AGBL1: variants seen among roughly 807,000 people sequenced by gnomAD.
AGBL1 encodes the protein cytosolic carboxypeptidase 4.
In AGBL1, 130 loss-of-function variants were observed where a neutral mutation model predicts 118.9. That is an observed-to-expected ratio of 1.09 (90% CI 0.95 to 1.26). The LOEUF (loss-of-function observed/expected upper bound fraction) is 1.26. Among genes scored for constraint, AGBL1 ranks in the 50% most tolerant of loss-of-function variants. The probability of loss-of-function intolerance (pLI) is 0.00; values close to 1 mark genes in which losing one functional copy is unlikely to be tolerated. For synonymous variants in AGBL1, 555 were observed against 478.9 expected, an observed-to-expected ratio of 1.16 and a Z score of -2.08; for missense variants, 1,584 against 1,298.1, an observed-to-expected ratio of 1.22 and a Z score of -3.38.
intron 22 of AGBL1, among the ~76,000 whole-genome samples, chr15:86,862,562 A>G (rs1299815341): frequency 2.6e-5 from 4 of 152,132 alleles, no homozygotes; most frequent in African/African-American, 9.7e-5. Context: ...TCTACTAATA[A>G]TACAAAAAAT....
intron 17 of AGBL1, among the ~76,000 whole-genome samples, chr15:86,361,898 A>G (rs1263988483): frequency 6.6e-6 from 1 of 152,150 alleles, no homozygotes; most frequent in Admixed American, 6.5e-5. Flanking sequence ...AAATTCATTC[A>G]GCCATTCTAT....
At chr15:86,251,753 A>G (rs1404351273) in intron 7 of AGBL1, among the ~76,000 whole-genome samples, 1 of 152,078 alleles carries the variant, frequency 6.6e-6, no homozygotes, top group African/African-American at 2.4e-5. Context: ...GTAATGTAGT[A>G]TAATGGAATC....
chr15:86,761,203 A>T (rs2078019152), intron 22 of AGBL1, among the ~76,000 whole-genome samples: 1 of 152,042 alleles, frequency 6.6e-6, no homozygotes, highest in African/African-American at 2.4e-5. Flanking sequence ...TCCAGGCAAG[A>T]CTAGAAGGTC....
At chr15:86,875,669 C>A (rs1459925070) in intron 22 of AGBL1, among the ~76,000 whole-genome samples, 2 of 152,190 alleles carry the variant, frequency 1.3e-5, no homozygotes, top group East Asian at 1.9e-4. Flanking sequence ...CCTGGCTTTC[C>A]TCCAACTTTC....
At chr15:86,967,850 C>T (rs546373375) in intron 23 of AGBL1, among the ~76,000 whole-genome samples, 2 of 151,914 alleles carry the variant, frequency 1.3e-5, no homozygotes, top group South Asian at 2.1e-4. Flanking sequence ...TAGTTTTTTC[C>T]AATTCTGTGA....
intron 7 of AGBL1, among the ~76,000 whole-genome samples, chr15:86,252,123 C>T (rs2078826517): frequency 6.6e-6 from 1 of 152,318 alleles, no homozygotes; most frequent in East Asian, 1.9e-4. Flanking sequence ...CTAACGAGTT[C>T]TCAGGTGATA....
chr15:86,177,824 A>G (rs2077501503), intron 5 of AGBL1, among the ~76,000 whole-genome samples: 1 of 152,220 alleles, frequency 6.6e-6, no homozygotes, highest in Admixed American at 6.5e-5. Context: ...CACATATCAG[A>G]AAAGAAGAAA....
chr15:86,554,439 GC>G lies in AGBL1; in HGVS notation c.2897del (p.Ala966ValfsTer75). Reference protein sequence around the residue: ...SCSFLVEKSRASTARVVVWRE... With the variant: ...SCSFLVEKSRXSTARVVVWRE... The stretch of plus-strand genomic sequence containing the variant: ...CAGCTTTCTCGTGGAGAAATCTCGA[GC>G]TTCCACGGCCCGGGTGGTGGTGTGG... On this transcript the variant is annotated frameshift_variant, in exon 21 of 23. Transcript: ENST00000614907. LOFTEE classifies it high-confidence loss of function. 6.3e-7 allele frequency: 1 copy of G among 1,588,056 alleles called. No individual in the cohort carries two copies. Among genetic ancestry groups the G allele is most frequent in the African/African-American group, 1.3e-5 (1 of 74,470 alleles).
chr15:86,740,230 C>T (rs558433887), intron 22 of AGBL1, among the ~76,000 whole-genome samples: 43 of 152,306 alleles, frequency 2.8e-4, no homozygotes, highest in African/African-American at 1.0e-3. Context: ...AATTGTTTCC[C>T]TAGCATCCCC....
intron 22 of AGBL1, among the ~76,000 whole-genome samples, chr15:86,763,363 A>G (rs1439380029): frequency 6.6e-6 from 1 of 152,010 alleles, no homozygotes; most frequent in Non-Finnish European, 1.5e-5. Flanking sequence ...GGCTGAGAAT[A>G]TTGTATCCTC....
chr15:86,139,030 G>A (rs1187401697), intron 1 of AGBL1, among the ~76,000 whole-genome samples: 2 of 152,188 alleles, frequency 1.3e-5, no homozygotes, highest in African/African-American at 4.8e-5. Flanking sequence ...ACTACGGAGG[G>A]AGAGGCACCC....
chr15:86,973,671 C>T (rs988631837), intron 23 of AGBL1, among the ~76,000 whole-genome samples: 8 of 151,678 alleles, frequency 5.3e-5, no homozygotes, highest in African/African-American at 1.9e-4. Flanking sequence ...ATTCTCCAGG[C>T]AGAAAGAGAA....
intron 23 of AGBL1, among the ~76,000 whole-genome samples, chr15:86,932,145 C>T (rs1167194396): frequency 1.3e-5 from 2 of 152,188 alleles, no homozygotes; most frequent in Non-Finnish European, 2.9e-5. Flanking sequence ...AGGACTCAAA[C>T]CCAGGTTTCC....
At chr15:86,428,637 A>G (rs1001863271) in intron 18 of AGBL1, among the ~76,000 whole-genome samples, 10 of 152,336 alleles carry the variant, frequency 6.6e-5, no homozygotes, top group African/African-American at 2.4e-4. Flanking sequence ...GTAATAGGGA[A>G]GACTGTGACT....
chr15:86,233,933 C>T (rs1189667197), intron 6 of AGBL1, among the ~76,000 whole-genome samples: 1 of 152,134 alleles, frequency 6.6e-6, no homozygotes, highest in Admixed American at 6.5e-5. Flanking sequence ...TGTTCCCAGG[C>T]ACCCATTCTG....
chr15:86,361,610 T>TGA (rs2080806674), intron 17 of AGBL1, among the ~76,000 whole-genome samples: 1 of 152,116 alleles, frequency 6.6e-6, no homozygotes, highest in Non-Finnish European at 1.5e-5. Context: ...ATGTTCACTT[T>TGA]ATATATTTAG....
At chr15:86,997,714 C>A (rs1372501350) in intron 24 of AGBL1, among the ~76,000 whole-genome samples, 1 of 152,038 alleles carries the variant, frequency 6.6e-6, no homozygotes, top group Non-Finnish European at 1.5e-5. Flanking sequence ...ACAGAGAGAG[C>A]CATTAAGCAT....
At position 86,400,490 on chromosome 15, in the gene AGBL1, G is replaced by GTT. The variant is rs11412401; in HGVS notation, c.2555+2955_2555+2956dup. ...TATTTTAACAGTTTTGGGGGAACAG[G>GTT]TTTTTTTTTTTTGGCTACGTGGATA... is the stretch of plus-strand genomic sequence containing the variant. On this transcript the variant is annotated intron_variant, in intron 18 of 22. Coordinates refer to ENST00000614907, the MANE Select transcript of AGBL1 (RefSeq NM_001386094.1). Among the ~76,000 whole-genome samples, 227 of 143,402 alleles carry GTT rather than the reference G, an allele frequency of 1.6e-3. 1 individual carries two copies. Among genetic ancestry groups the GTT allele is most frequent in the African/African-American group, 5.5e-3 (218 of 39,366 alleles). 94.1% of individuals were successfully genotyped at this position (143,402 alleles called of 152,430 possible). A position where few individuals can be genotyped will look rare whatever the true frequency, so the allele number is the denominator to read the frequency against.
At chr15:86,158,841 C>T (rs2077227938) in intron 4 of AGBL1, 92 bp from the exon 5 acceptor site, 7 of 1,039,804 alleles carry the variant, frequency 6.7e-6, no homozygotes, top group Middle Eastern at 2.1e-4. Context: ...TATCAAGTTG[C>T]CCCTTAAAGA....
Sources: allele counts gnomAD v4.1 joint callset (sites outside exome capture counted in the v4.1 genomes callset), GRCh38; gene constraint gnomAD v4.1.1; transcripts MANE v1.5; gene names NCBI Gene and HGNC (gene_info 2026-07-23, HGNC 2026-07-21).